SGSM1: variants seen among roughly 807,000 people sequenced by gnomAD.
SGSM1 encodes RUN and TBC1 domain containing 2.
Under a neutral mutation model 133.8 loss-of-function variants are expected in SGSM1, and 73 were observed. The observed-to-expected ratio is 0.55, with a 90% confidence interval of 0.45 to 0.66. The LOEUF is 0.66. Ranked by LOEUF, SGSM1 falls within the 30% of genes least tolerant of loss-of-function variation. The pLI, the probability that SGSM1 is intolerant of heterozygous loss-of-function variation, is 0.00. For synonymous variants in SGSM1, 563 were observed against 573.0 expected (o/e 0.98, Z 0.25); for missense variants, 1,213 against 1,448.1 (o/e 0.84, Z 2.64).
Position 24,806,278 on chromosome 22 carries a change from C to T in SGSM1, c.-48C>T. 2.1e-6 allele frequency: 3 copies of T among 1,407,054 alleles called. No homozygotes were observed. Among genetic ancestry groups the T allele is most frequent in the Non-Finnish European group, 2.8e-6 (3 of 1,085,614 alleles). 87.2% of individuals were successfully genotyped at this position (1,407,054 alleles called of 1,614,324 possible). A position where few individuals can be genotyped will look rare whatever the true frequency, so the allele number is the denominator to read the frequency against. The stretch of plus-strand genomic sequence containing the variant: ...GCCGCGGCCGGAGGAGCTACCGCCG[C>T]CACCGCCGCCACCGCCTCCTGGGAC... On this transcript the variant is annotated 5_prime_UTR_variant, in exon 1 of 25. Transcript: ENST00000400358.
intron 16 of SGSM1, among the ~76,000 whole-genome samples, chr22:24,890,207 T>A (rs556695737): frequency 6.6e-6 from 1 of 152,084 alleles, no homozygotes; most frequent in Non-Finnish European, 1.5e-5. Context: ...CCGCCCGCCT[T>A]GGCCTCCCAA....
chr22:24,861,758 G>T (rs528723653), intron 9 of SGSM1, among the ~76,000 whole-genome samples: 1 of 151,702 alleles, frequency 6.6e-6, no homozygotes, highest in Admixed American at 6.6e-5. Flanking sequence ...GTGTTGGCCA[G>T]GCTGGTCTCG....
intron 2 of SGSM1, among the ~76,000 whole-genome samples, chr22:24,823,389 T>A (rs1928598783): frequency 1.3e-5 from 2 of 150,214 alleles, no homozygotes; most frequent in South Asian, 4.2e-4. Context: ...GATCACGAGG[T>A]CAGGAGGTTG....
chr22:24,806,629 C>T (rs1309700327), intron 2 of SGSM1, 145 bp downstream of exon 2: 1 of 999,740 alleles, frequency 1.0e-6, no homozygotes, highest in Non-Finnish European at 1.4e-6. Context: ...CATTGACCTC[C>T]CGCAGGGCAG....
chr22:24,835,226 G>T (rs1929359063), intron 2 of SGSM1, among the ~76,000 whole-genome samples: 1 of 152,136 alleles, frequency 6.6e-6, no homozygotes, highest in South Asian at 2.1e-4. Context: ...GGGCAGCGGG[G>T]GTGTCTCTGT....
chr22:24,882,367 G>C (rs938108341), intron 14 of SGSM1, among the ~76,000 whole-genome samples: 3 of 151,986 alleles, frequency 2.0e-5, no homozygotes, highest in African/African-American at 7.3e-5. Context: ...ACTGTGCCCC[G>C]CCCTGTTTTT....
rs891010451 is a variant in SGSM1, at chr22:24,926,648, A to G, written c.*2374A>G. On this transcript the variant is annotated 3_prime_UTR_variant, in exon 25 of 25. Transcript: ENST00000400358. ...CTGTGGTTGTGATTTGGAATAAGTC[A>G]TATTTATTTGGTTTACTGTGCCTAT... 3 of 152,092 alleles carry G rather than the reference A, an allele frequency of 2.0e-5. No individual in the cohort carries two copies. Among genetic ancestry groups the G allele is most frequent in the Admixed American group, 6.6e-5 (1 of 15,258 alleles). 9.4% of individuals were successfully genotyped at this position (152,092 alleles called of 1,614,324 possible). A position where few individuals can be genotyped will look rare whatever the true frequency, so the allele number is the denominator to read the frequency against.
chr22:24,867,054 G>C, intron 9 of SGSM1, 39 bp from the exon 10 acceptor site: 1 of 1,604,918 alleles, frequency 6.2e-7, no homozygotes, highest in Non-Finnish European at 8.5e-7. Flanking sequence ...AGTGGGGTAG[G>C]CAGAAGTCCT....
chr22:24,850,849 G>C (rs1203917380), intron 5 of SGSM1, among the ~76,000 whole-genome samples: 1 of 152,188 alleles, frequency 6.6e-6, no homozygotes, highest in African/African-American at 2.4e-5. Flanking sequence ...TGTAATCCCA[G>C]CACTTTGGGA....
intron 23 of SGSM1, 69 bp downstream of exon 23, chr22:24,917,823 G>A (rs897820180): frequency 1.3e-5 from 17 of 1,346,802 alleles, no homozygotes; most frequent in East Asian, 9.4e-5. Context: ...AAAAGATCCC[G>A]TGGAGGTGAG....
chr22:24,896,556 G>A (rs1311922447), intron 18 of SGSM1, among the ~76,000 whole-genome samples: 1 of 150,698 alleles, frequency 6.6e-6, no homozygotes, highest in East Asian at 1.9e-4. Context: ...TATCTAACTT[G>A]AAAAATTGAT....
intron 16 of SGSM1, among the ~76,000 whole-genome samples, chr22:24,888,938 CTTTTTTTTTT>C (rs1234715475): frequency 2.5e-5 from 2 of 79,944 alleles, no homozygotes; most frequent in Admixed American, 1.7e-4. Context: ...TCATAGTCAC[CTTTTTTTTTT>C]TTTTTTTTTT....
chr22:24,914,752 C>T (rs367949314), intron 22 of SGSM1, among the ~76,000 whole-genome samples: 11 of 152,110 alleles, frequency 7.2e-5, no homozygotes, highest in African/African-American at 1.4e-4. Flanking sequence ...TTGAGAGGCT[C>T]GTCAACCACG....
chr22:24,882,431 G>A (rs1216101891), intron 14 of SGSM1, among the ~76,000 whole-genome samples: 2 of 152,094 alleles, frequency 1.3e-5, no homozygotes, highest in Non-Finnish European at 2.9e-5. Flanking sequence ...GGGTACATAG[G>A]ATATTTTGAT....
At chr22:24,905,520 G>T (rs1389754633) in intron 21 of SGSM1, among the ~76,000 whole-genome samples, 1 of 152,148 alleles carries the variant, frequency 6.6e-6, no homozygotes, top group African/African-American at 2.4e-5. Flanking sequence ...GGGCACAGTG[G>T]CTCACGCCTG....
chr22:24,865,541 C>T (rs986655109), intron 9 of SGSM1, among the ~76,000 whole-genome samples: 2 of 152,166 alleles, frequency 1.3e-5, no homozygotes, highest in Non-Finnish European at 2.9e-5. Flanking sequence ...CATTTCACAG[C>T]TAGGGAAACT....
intron 3 of SGSM1, among the ~76,000 whole-genome samples, chr22:24,845,182 C>G (rs1312636848): frequency 6.6e-6 from 1 of 152,092 alleles, no homozygotes; most frequent in Non-Finnish European, 1.5e-5. Flanking sequence ...GTGGTTAACA[C>G]CAGAGGGGTT....
chr22:24,877,800 T>TTC (rs1319243135), intron 13 of SGSM1, among the ~76,000 whole-genome samples: 26 of 134,114 alleles, frequency 1.9e-4, no homozygotes, highest in Non-Finnish European at 3.2e-4. Flanking sequence ...GATTCTTTCT[T>TTC]TCTTTTTTTT....
chr22:24,917,592 A>G (rs1933864215), intron 22 of SGSM1, 66 bp from the exon 23 acceptor site: 1 of 1,172,748 alleles, frequency 8.5e-7, no homozygotes, highest in South Asian at 1.3e-5. Context: ...ACCACCATTT[A>G]TTCAGCTGTC....
Sources: gnomAD v4.1 joint callset for allele counts (sites outside exome capture counted in the v4.1 genomes callset) on GRCh38, gnomAD v4.1.1 for gene constraint, MANE v1.5 for transcripts, NCBI Gene and HGNC (gene_info 2026-07-23, HGNC 2026-07-21) for gene names.